Variants in SNX8 observed in about 807,000 individuals in gnomAD.
SNX8 encodes sorting nexin-8.
SNX8 carries 25 observed loss-of-function variants against 51.6 expected under a neutral mutation model. That is an observed-to-expected ratio of 0.48 (90% CI 0.35 to 0.68). The LOEUF is 0.68. Among genes scored for constraint, SNX8 ranks in the 30% least tolerant of loss-of-function variants. The pLI, the probability that SNX8 is intolerant of heterozygous loss-of-function variation, is 0.00. For synonymous variants in SNX8, 324 were observed against 277.0 expected, an observed-to-expected ratio of 1.17 and a Z score of -1.68; for missense variants, 695 against 624.0, an observed-to-expected ratio of 1.11 and a Z score of -1.21.
intron 1 of SNX8, among the ~76,000 whole-genome samples, chr7:2,301,918 G>A (rs939836758): frequency 2.0e-5 from 3 of 152,112 alleles, no homozygotes; most frequent in African/African-American, 7.2e-5. Context: ...ACCCTAAGGA[G>A]AATGCAGAGC....
intron 1 of SNX8, among the ~76,000 whole-genome samples, chr7:2,311,686 C>T (rs949379935): frequency 2.0e-5 from 3 of 152,078 alleles, no homozygotes; most frequent in Non-Finnish European, 4.4e-5. Flanking sequence ...GCCTGTAATC[C>T]CAGCACTTTG....
At chr7:2,291,256 C>A (rs1053236265) in intron 1 of SNX8, among the ~76,000 whole-genome samples, 2 of 151,866 alleles carry the variant, frequency 1.3e-5, no homozygotes, top group Non-Finnish European at 1.5e-5. Context: ...GCTATGATTG[C>A]GCTACTGCAG....
Position 2,323,329 on chromosome 7 carries a change from C to CAA in SNX8, c.-66+30891_-66+30892dup, listed in dbSNP as rs35005505. On this transcript the variant is annotated intron_variant, in intron 1 of 5. Transcript: ENST00000435336. ...AGGGCGACAGAGTGAGAGTCTGTCT[C>CAA]AAAAAAAAAAAAAAAAAAAACAACC... is the stretch of plus-strand genomic sequence containing the variant. Among the ~76,000 whole-genome samples, 364 of 105,540 alleles carry CAA rather than the reference C, an allele frequency of 3.4e-3. 5 individuals are homozygous for CAA. Among genetic ancestry groups the CAA allele is most frequent in the Middle Eastern group, 0.01 (2 of 194 alleles). 69.2% of individuals were successfully genotyped at this position (105,540 alleles called of 152,430 possible). A position where few individuals can be genotyped will look rare whatever the true frequency, so the allele number is the denominator to read the frequency against.
chr7:2,323,329 C>A (rs1254012996), intron 1 of SNX8, among the ~76,000 whole-genome samples: 786 of 105,644 alleles, frequency 7.4e-3, no homozygotes, highest in East Asian at 0.013. Flanking sequence ...GAGTCTGTCT[C>A]AAAAAAAAAA....
At chr7:2,314,533 C>T (rs1384973916), upstream of SNX8, 9 of 1,055,050 alleles carry the variant, frequency 8.5e-6, no homozygotes, top group Middle Eastern at 4.0e-4. Context: ...CTCCCCCGCG[C>T]GCCACGCCCA....
intron 1 of SNX8, among the ~76,000 whole-genome samples, chr7:2,334,621 G>C (rs1444616107): frequency 1.3e-5 from 2 of 151,344 alleles, no homozygotes; most frequent in African/African-American, 4.9e-5. Flanking sequence ...AGGATCACGA[G>C]CCCAGGAGGC....
chr7:2,283,899 G>A (rs1235797731), intron 1 of SNX8, among the ~76,000 whole-genome samples: 2 of 152,178 alleles, frequency 1.3e-5, no homozygotes, highest in East Asian at 1.9e-4. Flanking sequence ...GGGTTCCAGC[G>A]ATTCTCATGC....
At chr7:2,310,482 G>C (rs1271744618) in intron 1 of SNX8, among the ~76,000 whole-genome samples, 1 of 151,934 alleles carries the variant, frequency 6.6e-6, no homozygotes, top group African/African-American at 2.4e-5. Context: ...AATTGGCCAG[G>C]CGTGGCTGGG....
chr7:2,255,929 G>C (rs1329380765), intron 10 of SNX8, among the ~76,000 whole-genome samples: 1 of 152,170 alleles, frequency 6.6e-6, no homozygotes, highest in African/African-American at 2.4e-5. Context: ...GCGCACCCTG[G>C]GGGCCTGCAG....
intron 1 of SNX8, among the ~76,000 whole-genome samples, chr7:2,345,286 G>C (rs1232156110): frequency 1.3e-5 from 2 of 152,208 alleles, no homozygotes; most frequent in Non-Finnish European, 2.9e-5. Context: ...GATAGATCTT[G>C]AAAACATCAT....
At chr7:2,346,748 A>G (rs1053082693) in intron 1 of SNX8, among the ~76,000 whole-genome samples, 31 of 149,360 alleles carry the variant, frequency 2.1e-4, no homozygotes, top group African/African-American at 7.3e-4. Flanking sequence ...AAAAAAAAAA[A>G]AAAAAAAAAA....
At chr7:2,329,913 C>A (rs1257856263) in intron 1 of SNX8, among the ~76,000 whole-genome samples, 1 of 151,148 alleles carries the variant, frequency 6.6e-6, no homozygotes, top group African/African-American at 2.4e-5. Flanking sequence ...CCGCAACCTC[C>A]GCCTCCTGGG....
At chr7:2,270,010 A>G (rs1195399337) in intron 4 of SNX8, among the ~76,000 whole-genome samples, 1 of 152,022 alleles carries the variant, frequency 6.6e-6, no homozygotes, top group Non-Finnish European at 1.5e-5. Flanking sequence ...CCCCAGAGAT[A>G]CCTGAGACCC....
chr7:2,289,153 T>A (rs950866504), intron 1 of SNX8, among the ~76,000 whole-genome samples: 1 of 152,170 alleles, frequency 6.6e-6, no homozygotes, highest in African/African-American at 2.4e-5. Flanking sequence ...TGGCTGCCCC[T>A]GTGGTGGGCG....
intron 1 of SNX8, among the ~76,000 whole-genome samples, chr7:2,322,977 G>A (rs1280623167): frequency 6.6e-6 from 1 of 150,626 alleles, no homozygotes; most frequent in Non-Finnish European, 1.5e-5. Flanking sequence ...AGATCTTGCT[G>A]CTGCACTCCA....
intron 1 of SNX8, among the ~76,000 whole-genome samples, chr7:2,305,853 G>T (rs1796532710): frequency 6.6e-6 from 1 of 151,950 alleles, no homozygotes; most frequent in South Asian, 2.1e-4. Context: ...GGCCGAAGCA[G>T]GAGAACTGCT....
chr7:2,307,366 C>T (rs1337062415), intron 1 of SNX8, among the ~76,000 whole-genome samples: 1 of 151,894 alleles, frequency 6.6e-6, no homozygotes, highest in African/African-American at 2.4e-5. Context: ...GGTGCAGTGG[C>T]TCACGCCTGT....
intron 1 of SNX8, among the ~76,000 whole-genome samples, chr7:2,301,850 C>T (rs1296952695): frequency 1.3e-5 from 2 of 152,166 alleles, no homozygotes; most frequent in Non-Finnish European, 2.9e-5. Context: ...CCTCAGTTTC[C>T]TCATCTCTGA....
At chr7:2,314,558 G>C, upstream of SNX8, 1 of 891,712 alleles carries the variant, frequency 1.1e-6, no homozygotes, top group Non-Finnish European at 1.4e-6. Flanking sequence ...CCGCCCCTGC[G>C]GGCCCGCCGC....
Sources: gnomAD v4.1 joint callset for allele counts (sites outside exome capture counted in the v4.1 genomes callset) on GRCh38, gnomAD v4.1.1 for gene constraint, MANE v1.5 for transcripts, NCBI Gene and HGNC (gene_info 2026-07-23, HGNC 2026-07-21) for gene names.